SLC44A3: variants seen among roughly 807,000 people sequenced by gnomAD.
The protein encoded by SLC44A3 is choline transporter-like protein 3.
SLC44A3 carries 74 observed loss-of-function variants against 75.4 expected under a neutral mutation model. That is an observed-to-expected ratio of 0.98 (90% CI 0.81 to 1.19). The LOEUF (loss-of-function observed/expected upper bound fraction) is 1.19, where lower values mean the gene tolerates loss of function less well. SLC44A3 is among the 50% of genes most tolerant of loss of function. SLC44A3 has a pLI of 0.00. For synonymous variants in SLC44A3, 310 were observed against 296.9 expected, an observed-to-expected ratio of 1.04 and a Z score of -0.45; for missense variants, 700 against 778.6, an observed-to-expected ratio of 0.90 and a Z score of 1.20.
rs189356569 is a variant in SLC44A3, at chr1:94,876,464, G to T, written c.1482+9047G>T. 2.9e-3 allele frequency among the ~76,000 whole-genome samples: 440 copies of T among 152,292 alleles called. 1 individual carries two copies. Among genetic ancestry groups the T allele is most frequent in the Non-Finnish European group, 4.9e-3 (335 of 68,032 alleles). On this transcript the variant is annotated intron_variant, in intron 12 of 14. Transcript: ENST00000271227. Reference sequence around the variant, plus strand: ...GGCAGTGACTGTAGGCACGTTCCTCGGCTGTCATTCTTATTTGTCCTACGG... The same window carrying T: ...GGCAGTGACTGTAGGCACGTTCCTCTGCTGTCATTCTTATTTGTCCTACGG...
intron 7 of SLC44A3, among the ~76,000 whole-genome samples, chr1:94,840,568 G>T (rs1233033956): frequency 2.0e-5 from 3 of 152,088 alleles, no homozygotes; most frequent in African/African-American, 7.2e-5. Context: ...GGGATTACAG[G>T]TATGAGTCAC....
chr1:94,827,152 C>T (rs184635861), intron 3 of SLC44A3, among the ~76,000 whole-genome samples: 107 of 152,262 alleles, frequency 7.0e-4, no homozygotes, highest in African/African-American at 2.4e-3. Flanking sequence ...ATGTGTTCTC[C>T]GTGGAGTCCA....
intron 5 of SLC44A3, among the ~76,000 whole-genome samples, chr1:94,835,101 CCTGA>C (rs1184532645): frequency 6.6e-6 from 1 of 152,122 alleles, no homozygotes; most frequent in African/African-American, 2.4e-5. Context: ...TTACAAAATA[CCTGA>C]CTATGAATCT....
intron 9 of SLC44A3, among the ~76,000 whole-genome samples, chr1:94,856,886 A>G (rs1665944931): frequency 6.6e-6 from 1 of 152,064 alleles, no homozygotes; most frequent in Non-Finnish European, 1.5e-5. Context: ...GCCTGCGACC[A>G]TGCTTGGCTA....
intron 5 of SLC44A3, among the ~76,000 whole-genome samples, chr1:94,834,983 G>T (rs894091781): frequency 2.6e-5 from 4 of 152,178 alleles, no homozygotes; most frequent in Non-Finnish European, 5.9e-5. Flanking sequence ...TCCTCGATAG[G>T]ATTCTATGAG....
rs370259077 is a variant in SLC44A3 at position 94,879,608 on chromosome 1, G to A, written c.1483-11522G>A. 4.7e-5 allele frequency among the ~76,000 whole-genome samples: 7 copies of A among 150,096 alleles called. 1 individual carries two copies. The highest frequency in any genetic ancestry group is 1.5e-4 in the African/African-American group (6 of 40,896). On this transcript the variant is annotated intron_variant, in intron 12 of 14. Coordinates refer to ENST00000271227, the MANE Select transcript of SLC44A3 (RefSeq NM_001114106.3). ...TAATCTCAGCACTTTGGGAGGCGGA[G>A]GTGGGCAGATCACGAGGTCAGGAGA...
chr1:94,838,491 T>C (rs528321165), intron 6 of SLC44A3, among the ~76,000 whole-genome samples: 2 of 152,330 alleles, frequency 1.3e-5, no homozygotes, highest in Admixed American at 1.3e-4. Flanking sequence ...AACTTTCTCT[T>C]TGAACAGGTG....
At chr1:94,880,510 C>A (rs555820326) in intron 12 of SLC44A3, among the ~76,000 whole-genome samples, 1 of 152,084 alleles carries the variant, frequency 6.6e-6, no homozygotes, top group Admixed American at 6.6e-5. Context: ...TCTTTCTCAA[C>A]CTCAGTACTG....
Position 94,845,169 on chromosome 1 carries a change from C to T in SLC44A3, c.886-109C>T, listed in dbSNP as rs992839422. On this transcript the variant is annotated intron_variant, in intron 8 of 14. Transcript: ENST00000271227. ...TTATAACAAAGTAGTGAGTAACTAT[C>T]TTAAAAGAGCTGTTTGCTGAGATGT... 2.0e-5 allele frequency: 23 copies of T among 1,169,736 alleles called. No individual in the cohort carries two copies. The African/African-American group carries it at 3.4e-4, about 17-fold the overall frequency. 72.5% of individuals were successfully genotyped at this position (1,169,736 alleles called of 1,614,324 possible).
intron 6 of SLC44A3, among the ~76,000 whole-genome samples, chr1:94,839,326 G>C (rs1388641778): frequency 6.6e-6 from 1 of 151,938 alleles, no homozygotes; most frequent in Non-Finnish European, 1.5e-5. Flanking sequence ...GGTTCATTTG[G>C]ACTTGTAAGA....
intron 5 of SLC44A3, among the ~76,000 whole-genome samples, chr1:94,828,976 C>T (rs1275058832): frequency 1.3e-5 from 2 of 152,106 alleles, no homozygotes; most frequent in Non-Finnish European, 2.9e-5. Context: ...CATGGTGGCT[C>T]ACACCTGCAA....
At chr1:94,876,857 T>C (rs766097626) in intron 12 of SLC44A3, among the ~76,000 whole-genome samples, 11 of 152,220 alleles carry the variant, frequency 7.2e-5, no homozygotes, top group African/African-American at 9.6e-5. Context: ...CGGAGTTATA[T>C]GAGGTTTCAG....
chr1:94,827,118 A>G (rs1304632636), intron 3 of SLC44A3, among the ~76,000 whole-genome samples: 1 of 152,182 alleles, frequency 6.6e-6, no homozygotes, highest in Non-Finnish European at 1.5e-5. Context: ...TCTCTGAAGC[A>G]TATTTGAACA....
intron 2 of SLC44A3, among the ~76,000 whole-genome samples, chr1:94,822,866 G>A (rs12057459): frequency 1.3e-5 from 2 of 152,056 alleles, no homozygotes; most frequent in African/African-American, 2.4e-5. Flanking sequence ...ATATAGAATC[G>A]CAATTGCATG....
intron 9 of SLC44A3, among the ~76,000 whole-genome samples, chr1:94,853,460 T>C (rs1665470684): frequency 1.3e-5 from 2 of 152,132 alleles, no homozygotes; most frequent in Non-Finnish European, 2.9e-5. Flanking sequence ...TGGGAGATAG[T>C]TGCGAATGAT....
Position 94,892,411 on chromosome 1 carries a change from C to A in SLC44A3, c.1751C>A (p.Ser584Tyr), listed in dbSNP as rs760230779. Residue 584 changes from serine to tyrosine, a missense_variant, in exon 14 of 15, where the codon TCT becomes TAT. Coordinates refer to ENST00000271227, the MANE Select transcript of SLC44A3 (RefSeq NM_001114106.3). ...TACTTAGTAGCCCATAGTTTTTTAT[C>A]TGTGTTTGAAACTGTGCTGGATGCA... ...FAYLVAHSFL[S>Y]VFETVLDALF... 6.2e-7 allele frequency: 1 copy of A among 1,614,138 alleles called. No homozygotes were observed. Among genetic ancestry groups the A allele is most frequent in the East Asian group, 2.2e-5 (1 of 44,886 alleles).
At chr1:94,871,867 T>C (rs1667797489) in intron 12 of SLC44A3, among the ~76,000 whole-genome samples, 1 of 152,232 alleles carries the variant, frequency 6.6e-6, no homozygotes, top group African/African-American at 2.4e-5. Flanking sequence ...ATTGGTGTCT[T>C]AACATAGTTT....
chr1:94,868,543 G>C (rs990931899), intron 12 of SLC44A3, among the ~76,000 whole-genome samples: 11 of 151,994 alleles, frequency 7.2e-5, no homozygotes, highest in African/African-American at 1.9e-4. Context: ...CTTTCAGAAT[G>C]GGGGGGAACA....
intron 1 of SLC44A3, 55 bp downstream of exon 1, chr1:94,820,533 C>T: frequency 1.8e-5 from 26 of 1,470,634 alleles, no homozygotes; most frequent in Non-Finnish European, 2.3e-5. Context: ...AGGGTCGAGT[C>T]CCCCGCCTTC....
Sources: allele counts gnomAD v4.1 joint callset (sites outside exome capture counted in the v4.1 genomes callset), GRCh38; gene constraint gnomAD v4.1.1; transcripts MANE v1.5; gene names NCBI Gene and HGNC (gene_info 2026-07-23, HGNC 2026-07-21).